The following RDH11 variants were observed in gnomAD, a reference collection of about 807,000 sequenced individuals.
The protein encoded by RDH11 is retinol dehydrogenase 11.
Under a neutral mutation model 33.4 loss-of-function variants are expected in RDH11, and 19 were observed. The ratio of observed to expected loss-of-function variants is 0.57; its 90% CI spans 0.40 to 0.83. The LOEUF is 0.83. Among genes scored for constraint, RDH11 ranks in the 40% least tolerant of loss-of-function variants. The pLI is 0.00. For missense variants in RDH11, 353 were observed against 389.0 expected (o/e 0.91, Z 0.78); for synonymous variants, 154 against 155.3 (o/e 0.99, Z 0.06).
Position 67,677,077 on chromosome 14 carries a change from A to G in RDH11, c.*1244T>C, listed in dbSNP as rs771813116. On this transcript the variant is annotated 3_prime_UTR_variant, in exon 7 of 7. Transcript: ENST00000381346. ...GTCCTATAACTCTTTCCCCCACCAA[A>G]GTTAAAATATAATTGTCATTCCAGG... 18 of 152,208 alleles carry G rather than the reference A, an allele frequency of 1.2e-4. No individual in the cohort carries two copies. Among genetic ancestry groups the G allele is most frequent in the Non-Finnish European group, 2.2e-4 (15 of 68,044 alleles). 9.4% of individuals were successfully genotyped at this position (152,208 alleles called of 1,614,324 possible). A position where few individuals can be genotyped will look rare whatever the true frequency, so the allele number is the denominator to read the frequency against.
chr14:67,691,018 C>T (rs1217167722), intron 4 of RDH11, 122 bp downstream of exon 4: 2 of 713,830 alleles, frequency 2.8e-6, no homozygotes, highest in East Asian at 2.5e-5. Flanking sequence ...AACTATTATG[C>T]ACACATGGTC....
chr14:67,693,652 T>C (rs1341407184), intron 1 of RDH11, among the ~76,000 whole-genome samples: 1 of 123,928 alleles, frequency 8.1e-6, no homozygotes, highest in Non-Finnish European at 1.6e-5. Context: ...TCTCTTTCTC[T>C]TTTTTTTTTT....
At position 67,677,191 on chromosome 14, in the gene RDH11, A is replaced by G. The variant is rs1471310723; in HGVS notation, c.*1130T>C. 2.0e-5 allele frequency: 3 copies of G among 152,218 alleles called. No individual in the cohort carries two copies. Among genetic ancestry groups the G allele is most frequent in the South Asian group, 2.1e-4 (1 of 4,820 alleles). The allele number at this position is 152,218 out of a possible 1,614,324, so 9.4% of individuals were successfully genotyped here. A position where few individuals can be genotyped will look rare whatever the true frequency, so the allele number is the denominator to read the frequency against. On this transcript the variant is annotated 3_prime_UTR_variant, in exon 7 of 7. Transcript: ENST00000381346. ...ACTTCCTTTGGCAGCATTACTTTTG[A>G]TAAGAAGTCTCCAAATAAAATACAA...
intron 1 of RDH11, among the ~76,000 whole-genome samples, chr14:67,695,234 T>A (rs1376296153): frequency 1.3e-5 from 2 of 152,156 alleles, no homozygotes; most frequent in Admixed American, 1.3e-4. Flanking sequence ...GTGGAATCGC[T>A]CCTTTGTACC....
At chr14:67,694,043 C>G (rs747202120) in intron 1 of RDH11, among the ~76,000 whole-genome samples, 19 of 152,282 alleles carry the variant, frequency 1.2e-4, no homozygotes, top group Non-Finnish European at 2.8e-4. Context: ...CTGGCCTATT[C>G]TCTTCTTGGC....
At chr14:67,687,330 A>C (rs1218119636) in intron 5 of RDH11, among the ~76,000 whole-genome samples, 1 of 151,940 alleles carries the variant, frequency 6.6e-6, no homozygotes, top group Non-Finnish European at 1.5e-5. Context: ...TACCTACCTC[A>C]CCAGTCTCAG....
In RDH11 at chr14:67,695,707, T is replaced by A. The variant is rs201458765; in HGVS notation, c.-4A>T. The A allele has an allele frequency of 6.2e-7, 1 of 1,613,604 alleles. No homozygotes were observed. The highest frequency in any genetic ancestry group is 1.7e-5 in the Admixed American group (1 of 60,022). ...GCGGGAACATGAGCTCAACCATCTC[T>A]GCCGGCTGCAGCGGCACCAGAGCGG... is the stretch of plus-strand genomic sequence containing the variant. On this transcript the variant is annotated 5_prime_UTR_variant, in exon 1 of 7. Coordinates refer to ENST00000381346, the MANE Select transcript of RDH11 (RefSeq NM_016026.4).
intron 6 of RDH11, among the ~76,000 whole-genome samples, chr14:67,679,472 C>T (rs964452903): frequency 6.7e-6 from 1 of 149,874 alleles, no homozygotes; most frequent in East Asian, 2.0e-4. Context: ...GATGCGATCT[C>T]AGCTCACTGC....
At chr14:67,686,962 T>A (rs2037686169) in intron 5 of RDH11, among the ~76,000 whole-genome samples, 1 of 152,202 alleles carries the variant, frequency 6.6e-6, no homozygotes, top group Non-Finnish European at 1.5e-5. Context: ...TCTCCCTAGA[T>A]GACCCATAGT....
chr14:67,689,531 C>T (rs972934986), intron 5 of RDH11, among the ~76,000 whole-genome samples: 10 of 152,154 alleles, frequency 6.6e-5, no homozygotes, highest in African/African-American at 2.2e-4. Flanking sequence ...AGTTCAGGTC[C>T]TTCCCTCATA....
rs1294370263 is a variant in RDH11, at chr14:67,684,856, AAG to A, written c.854+157_854+158del. 4 of 519,074 alleles carry A rather than the reference AAG, an allele frequency of 7.7e-6. No individual in the cohort carries two copies. The East Asian group carries it at 9.2e-5, about 12-fold the overall frequency. The allele number at this position is 519,074 out of a possible 1,614,324, so 32.2% of individuals were successfully genotyped here. ...AAATCAAATGTAGCAGTTATTACAA[AAG>A]AGAGTCAAATTCCCCTACTAAAAGG... On this transcript the variant is annotated intron_variant, in intron 6 of 6. Transcript: ENST00000381346.
rs1377119252 is a variant in RDH11 at position 67,690,345 on chromosome 14, G to C, written c.531C>G (p.Ser177=). Reference sequence around the variant, plus strand: ...GGATCCTTCCCAGGTGATGTGCGAGGGAAGACACATTTACTATCCTTGATG... The same window carrying C: ...GGATCCTTCCCAGGTGATGTGCGAGCGAAGACACATTTACTATCCTTGATG... The part of the protein sequence containing the change: ...SAPSRIVNVS[S]LAHHLGRIHF... The change falls in exon 5 of 7, where the codon TCC becomes TCG. Residue 177 remains serine, a synonymous_variant. Transcript: ENST00000381346. The C allele has an allele frequency of 1.9e-6, 3 of 1,614,144 alleles. No homozygotes were observed. The highest frequency in any genetic ancestry group is 2.5e-6 in the Non-Finnish European group (3 of 1,180,014).
intron 1 of RDH11, among the ~76,000 whole-genome samples, chr14:67,694,482 A>G (rs2140087724): frequency 7.1e-6 from 1 of 141,222 alleles, no homozygotes; most frequent in South Asian, 2.1e-4. Flanking sequence ...ATATATACAC[A>G]CACACACATA....
At chr14:67,687,472 T>A (rs1451267874) in intron 5 of RDH11, among the ~76,000 whole-genome samples, 1 of 148,822 alleles carries the variant, frequency 6.7e-6, no homozygotes. Context: ...TATTCCTTTT[T>A]TTTTTTTTTT....
rs1476500150 is a variant in RDH11, at chr14:67,677,570, TTC to T, written c.*749_*750del. ...TGTGCATTATCTTCCAGTATTCTCC[TTC>T]TCTTTTTTTACTTCTTCCCTGCTAC... On this transcript the variant is annotated 3_prime_UTR_variant, in exon 7 of 7. Transcript: ENST00000381346. 1 of 152,024 alleles carries T rather than the reference TTC, an allele frequency of 6.6e-6. No homozygotes were observed. The highest frequency in any genetic ancestry group is 2.4e-5 in the African/African-American group (1 of 41,368). 9.4% of individuals were successfully genotyped at this position (152,024 alleles called of 1,614,324 possible). A position where few individuals can be genotyped will look rare whatever the true frequency, so the allele number is the denominator to read the frequency against.
At chr14:67,685,296 T>C (rs1453697051) in intron 5 of RDH11, 92 bp from the exon 6 acceptor site, 1 of 974,450 alleles carries the variant, frequency 1.0e-6, no homozygotes, top group African/African-American at 1.6e-5. Flanking sequence ...GCATGTGACC[T>C]TCACATATGG....
chr14:67,685,167 T>C lies in RDH11; in HGVS notation c.702A>G (p.Thr234=). The change falls in exon 6 of 7, where the codon ACA becomes ACG. Residue 234 remains threonine (T), a synonymous_variant. Transcript: ENST00000381346. ...GVTTYSVHPG[T]VQSELVRHSS... is the part of the protein sequence containing the mutation. ...AGTGCCGAACCAGTTCAGATTGGACTGTGCCAGGGTGTACAGAATACGTCG... is the reference window on the plus strand; with the variant it reads ...AGTGCCGAACCAGTTCAGATTGGACCGTGCCAGGGTGTACAGAATACGTCG... 6.2e-7 allele frequency: 1 copy of C among 1,614,142 alleles called. No homozygotes were observed. Among genetic ancestry groups the C allele is most frequent in the Non-Finnish European group, 8.5e-7 (1 of 1,180,028 alleles).
At position 67,690,286 on chromosome 14, in the gene RDH11, T is replaced by C. The variant is rs370197923; in HGVS notation, c.590A>G (p.Asn197Ser). The change falls in exon 5 of 7, where the codon AAT becomes AGT. Residue 197 changes from asparagine (N) to serine (S), a missense_variant. By Grantham distance (46) the Asn-to-Ser change is conservative (BLOSUM62 1). Coordinates refer to ENST00000381346, the MANE Select transcript of RDH11 (RefSeq NM_016026.4). ...FHNLQGEKFY[N>S]AGLAYCHSKL... The stretch of plus-strand genomic sequence containing the variant: ...GCTGTGACAGTAGGCCAGGCCTGCA[T>C]TGTAGAATTTCTCGCCCTGCAGGTT... 7 of 1,614,046 alleles carry C rather than the reference T, an allele frequency of 4.3e-6. No homozygotes were observed. In the African/African-American group the frequency reaches 5.3e-5, roughly 12 times the overall value.
At chr14:67,691,026 G>T (rs1420989053) in intron 4 of RDH11, 114 bp downstream of exon 4, 7 of 739,854 alleles carry the variant, frequency 9.5e-6, no homozygotes, top group Non-Finnish European at 1.7e-5. Flanking sequence ...TGCACACATG[G>T]TCTATTATGG....
Sources: allele counts gnomAD v4.1 joint callset (sites outside exome capture counted in the v4.1 genomes callset), GRCh38; gene constraint gnomAD v4.1.1; transcripts MANE v1.5; gene names NCBI Gene and HGNC (gene_info 2026-07-23, HGNC 2026-07-21).